The following SLC35F3 variants were observed in gnomAD, a reference collection of about 807,000 sequenced individuals.
SLC35F3 encodes the protein putative thiamine transporter SLC35F3.
In SLC35F3, 25 loss-of-function variants were observed where a neutral mutation model predicts 49.9. The observed-to-expected ratio is 0.50, with a 90% CI of 0.37 to 0.70. The LOEUF (loss-of-function observed/expected upper bound fraction) is 0.70, where lower values mean the gene tolerates loss of function less well. Among genes scored for constraint, SLC35F3 ranks in the 30% least tolerant of loss-of-function variants. The pLI is 0.00. For missense variants in SLC35F3, 525 were observed against 639.8 expected (o/e 0.82, Z 1.94); for synonymous variants, 275 against 265.4 (o/e 1.04, Z -0.35).
intron 2 of SLC35F3, among the ~76,000 whole-genome samples, chr1:233,910,426 A>G (rs1661855714): frequency 6.6e-6 from 1 of 152,234 alleles, no homozygotes; most frequent in Non-Finnish European, 1.5e-5. Context: ...ATGAAGGAAC[A>G]TCTGCGAATA....
At chr1:233,924,803 A>C (rs12145262) in intron 2 of SLC35F3, among the ~76,000 whole-genome samples, 52,814 of 152,044 alleles carry the variant, frequency 0.35, 10,155 homozygotes, top group Middle Eastern at 0.44. Flanking sequence ...CACTGCTTTA[A>C]ATGTGTCCCA....
intron 2 of SLC35F3, among the ~76,000 whole-genome samples, chr1:234,118,817 A>G (rs1428181515): frequency 2.0e-5 from 3 of 152,114 alleles, no homozygotes; most frequent in Non-Finnish European, 4.4e-5. Flanking sequence ...AAAAAGGTCC[A>G]TTTAATCTAT....
rs111896837 is a variant in SLC35F3 at position 233,942,064 on chromosome 1, G to T, written c.283+36306G>T. On this transcript the variant is annotated intron_variant, in intron 2 of 7. Coordinates refer to ENST00000366618, the MANE Select transcript of SLC35F3 (RefSeq NM_173508.4). Reference sequence around the variant, plus strand: ...CAACCTCCACCTCCCAGGTTGAAGCGATTCTCCTGCCTCAGCCTCCCAAGT... The same window carrying T: ...CAACCTCCACCTCCCAGGTTGAAGCTATTCTCCTGCCTCAGCCTCCCAAGT... 7.5e-3 allele frequency among the ~76,000 whole-genome samples: 1,123 copies of T among 150,376 alleles called. 14 individuals carry two copies. Among genetic ancestry groups the T allele is most frequent in the African/African-American group, 0.026 (1,080 of 41,078 alleles).
chr1:234,236,193 C>A (rs1667465039), intron 3 of SLC35F3, among the ~76,000 whole-genome samples: 1 of 152,130 alleles, frequency 6.6e-6, no homozygotes, highest in South Asian at 2.1e-4. Flanking sequence ...GTAATCCCAG[C>A]ACTTTGGTGG....
At chr1:233,917,554 CTCTT>C (rs1661992813) in intron 2 of SLC35F3, among the ~76,000 whole-genome samples, 1 of 152,130 alleles carries the variant, frequency 6.6e-6, no homozygotes, top group South Asian at 2.1e-4. Context: ...TGCCAGCATT[CTCTT>C]TCTTTCCAGC....
At chr1:234,149,980 G>C (rs1173870688) in intron 2 of SLC35F3, among the ~76,000 whole-genome samples, 3 of 152,216 alleles carry the variant, frequency 2.0e-5, no homozygotes, top group African/African-American at 7.2e-5. Context: ...TCTCCAGAGA[G>C]GTTCCTCATG....
chr1:234,303,085 C>T (rs2102991145), intron 3 of SLC35F3, among the ~76,000 whole-genome samples: 1 of 152,222 alleles, frequency 6.6e-6, no homozygotes, highest in South Asian at 2.1e-4. Context: ...CCTCTGATTT[C>T]TATCTCACCC....
chr1:234,127,277 T>C (rs1665663907), intron 2 of SLC35F3, among the ~76,000 whole-genome samples: 1 of 152,200 alleles, frequency 6.6e-6, no homozygotes, highest in Admixed American at 6.5e-5. Context: ...AATAACCAGG[T>C]TTTATATTTG....
intron 2 of SLC35F3, among the ~76,000 whole-genome samples, chr1:233,907,913 A>C (rs1661802433): frequency 6.6e-6 from 1 of 152,122 alleles, no homozygotes; most frequent in African/African-American, 2.4e-5. Context: ...TTTAGTAGAG[A>C]TGAGGTTTCA....
chr1:234,199,992 G>A (rs995997372), intron 2 of SLC35F3, among the ~76,000 whole-genome samples: 4 of 152,170 alleles, frequency 2.6e-5, no homozygotes, highest in South Asian at 4.1e-4. Flanking sequence ...AATAGCACAC[G>A]TTTGGTGAAG....
intron 3 of SLC35F3, among the ~76,000 whole-genome samples, chr1:234,292,164 A>G (rs191182478): frequency 5.6e-4 from 85 of 152,300 alleles, no homozygotes; most frequent in African/African-American, 2.0e-3. Flanking sequence ...CTTTTGTGCC[A>G]AGTTCTGGCA....
intron 2 of SLC35F3, among the ~76,000 whole-genome samples, chr1:234,070,482 T>C (rs1346188179): frequency 2.6e-5 from 4 of 152,254 alleles, no homozygotes; most frequent in Admixed American, 6.5e-5. Flanking sequence ...AAGTATGTAT[T>C]CCAAGTATTT....
chr1:234,266,719 TACTGTAGACA>T (rs1226526737), intron 3 of SLC35F3, among the ~76,000 whole-genome samples: 1 of 152,202 alleles, frequency 6.6e-6, no homozygotes, highest in Non-Finnish European at 1.5e-5. Flanking sequence ...CGGTACTGAA[TACTGTAGACA>T]ACTGTAACAC....
chr1:234,198,196 T>C (rs938770935), intron 2 of SLC35F3, among the ~76,000 whole-genome samples: 1 of 152,250 alleles, frequency 6.6e-6, no homozygotes, highest in African/African-American at 2.4e-5. Context: ...TGATTTCCTG[T>C]GAAGGCTTTT....
intron 2 of SLC35F3, among the ~76,000 whole-genome samples, chr1:234,057,249 G>T (rs898449184): frequency 6.6e-6 from 1 of 152,058 alleles, no homozygotes; most frequent in Non-Finnish European, 1.5e-5. Flanking sequence ...TTAATTTGGG[G>T]AAGTATTGCC....
At position 234,231,706 on chromosome 1, in the gene SLC35F3, G is replaced by C. The variant is rs1400036237; in HGVS notation, c.573G>C (p.Lys191Asn). ...FPLYYVGHVCKSTEKQSVKQR... is the reference protein window; with the variant it reads ...FPLYYVGHVCNSTEKQSVKQR... Reference sequence around the variant, plus strand: ...TGTACTACGTGGGGCACGTCTGCAAGTCCACAGAGAAGCAGTCTGTGAAGC... The same window carrying C: ...TGTACTACGTGGGGCACGTCTGCAACTCCACAGAGAAGCAGTCTGTGAAGC... Residue 191 changes from lysine (K) to asparagine (N), a missense_variant, in exon 3 of 8, where the codon AAG (lysine) becomes AAC (asparagine). Coordinates refer to ENST00000366618, the MANE Select transcript of SLC35F3 (RefSeq NM_173508.4). The surrounding 1 kb of genome is among the most constrained non-coding windows in gnomAD (Gnocchi z 5.4). 6.2e-7 allele frequency: 1 copy of C among 1,613,496 alleles called. No homozygotes were observed. The highest frequency in any genetic ancestry group is 1.3e-5 in the African/African-American group (1 of 74,928).
chr1:234,004,945 G>A (rs769590189), intron 2 of SLC35F3, among the ~76,000 whole-genome samples: 6 of 152,012 alleles, frequency 3.9e-5, no homozygotes, highest in Non-Finnish European at 8.8e-5. Context: ...AATCATAGAA[G>A]CAATAATCTT....
chr1:234,181,412 A>G (rs1200728128), intron 2 of SLC35F3, among the ~76,000 whole-genome samples: 1 of 152,170 alleles, frequency 6.6e-6, no homozygotes, highest in African/African-American at 2.4e-5. Context: ...CTCTTTTTTA[A>G]AATGTTATCA....
chr1:234,074,439 A>G (rs1371476119), intron 2 of SLC35F3, among the ~76,000 whole-genome samples: 1 of 152,206 alleles, frequency 6.6e-6, no homozygotes, highest in Non-Finnish European at 1.5e-5. Context: ...TGAAAACACA[A>G]ATGACAAAAT....
Sources: gnomAD v4.1 joint callset for allele counts (sites outside exome capture counted in the v4.1 genomes callset) on GRCh38, gnomAD v4.1.1 for gene constraint, Gnocchi (gnomAD v3.1) non-coding constraint, MANE v1.5 for transcripts, NCBI Gene and HGNC (gene_info 2026-07-23, HGNC 2026-07-21) for gene names.